MBD5: variants seen among roughly 807,000 people sequenced by gnomAD.
MBD5 encodes the protein methyl-CpG binding domain protein 5, also known as methyl-CpG-binding domain protein 5.
Under a neutral mutation model 117.3 loss-of-function variants are expected in MBD5, and 13 were observed. The observed-to-expected ratio is 0.11, with a 90% confidence interval of 0.07 to 0.18. The LOEUF is 0.18. MBD5 is among the 10% of genes least tolerant of loss of function. The pLI, the probability that MBD5 is intolerant of heterozygous loss-of-function variation, is 1.00. For synonymous variants in MBD5, 727 were observed against 766.4 expected (o/e 0.95, Z 0.85); for missense variants, 1,879 against 2,093.8 (o/e 0.90, Z 2.00).
chr2:148,088,549 C>T (rs942819211), intron 1 of MBD5, among the ~76,000 whole-genome samples: 1 of 152,128 alleles, frequency 6.6e-6, no homozygotes, highest in African/African-American at 2.4e-5. Context: ...GACTAGGGTC[C>T]TATTTTTAGC....
chr2:148,411,490 C>T (rs907793901), intron 4 of MBD5, among the ~76,000 whole-genome samples: 4 of 145,992 alleles, frequency 2.7e-5, no homozygotes, highest in African/African-American at 7.6e-5. Flanking sequence ...CACTTTTCTC[C>T]GGGAACTTAC....
At chr2:148,168,842 C>T (rs2105786658) in intron 1 of MBD5, among the ~76,000 whole-genome samples, 1 of 151,950 alleles carries the variant, frequency 6.6e-6, no homozygotes, top group East Asian at 1.9e-4. Flanking sequence ...GAGAAGATAG[C>T]ATAAACATAC....
chr2:148,154,601 C>T (rs1237762931), intron 1 of MBD5, among the ~76,000 whole-genome samples: 1 of 152,212 alleles, frequency 6.6e-6, no homozygotes, highest in Non-Finnish European at 1.5e-5. Context: ...GGGCTTAGGA[C>T]CCTCTGAGCC....
intron 4 of MBD5, among the ~76,000 whole-genome samples, chr2:148,451,938 A>G (rs550318215): frequency 3.3e-5 from 5 of 152,260 alleles, no homozygotes; most frequent in Admixed American, 3.3e-4. Flanking sequence ...TCAATAATTA[A>G]TTGGGTGTTG....
intron 2 of MBD5, among the ~76,000 whole-genome samples, chr2:148,223,887 G>A (rs1388631296): frequency 5.3e-5 from 8 of 151,744 alleles, no homozygotes; most frequent in East Asian, 1.9e-4. Context: ...TTAGTACTAC[G>A]TTTGCTATAT....
chr2:148,218,312 A>AT (rs994204631), intron 2 of MBD5, among the ~76,000 whole-genome samples: 37 of 151,578 alleles, frequency 2.4e-4, no homozygotes, highest in African/African-American at 3.9e-4. Context: ...TACCTGAGAC[A>AT]TTTTTTTTTC....
At chr2:148,085,515 G>A (rs955557800) in intron 1 of MBD5, among the ~76,000 whole-genome samples, 5 of 151,844 alleles carry the variant, frequency 3.3e-5, no homozygotes, top group African/African-American at 4.8e-5. Context: ...ACGAGGTCAG[G>A]AGATCGAGAC....
At chr2:148,044,515 T>A (rs1279475817) in intron 1 of MBD5, 1 of 152,122 alleles carries the variant, frequency 6.6e-6, no homozygotes, top group Non-Finnish European at 1.5e-5. Context: ...TTGTTGGGAG[T>A]CACGGGAGAC....
At chr2:148,310,903 A>T (rs755174594) in intron 3 of MBD5, among the ~76,000 whole-genome samples, 10 of 152,032 alleles carry the variant, frequency 6.6e-5, no homozygotes, top group Non-Finnish European at 1.3e-4. Context: ...TTCATTATTT[A>T]CCCAGTAGTC....
intron 1 of MBD5, among the ~76,000 whole-genome samples, chr2:148,061,785 G>A (rs1695043070): frequency 1.3e-5 from 2 of 151,904 alleles, no homozygotes; most frequent in African/African-American, 4.8e-5. Context: ...TAAGAAAAGT[G>A]AAGTTGATTT....
intron 2 of MBD5, among the ~76,000 whole-genome samples, chr2:148,205,113 G>C (rs1046727145): frequency 1.3e-5 from 2 of 150,986 alleles, no homozygotes; most frequent in African/African-American, 2.4e-5. Flanking sequence ...GTCTCTCTCT[G>C]TTGCCCTGGC....
intron 3 of MBD5, among the ~76,000 whole-genome samples, chr2:148,329,335 C>A (rs952421756): frequency 6.6e-6 from 1 of 152,114 alleles, no homozygotes; most frequent in Non-Finnish European, 1.5e-5. Flanking sequence ...TTTAAGAAAA[C>A]AAATGCTTTT....
intron 1 of MBD5, among the ~76,000 whole-genome samples, chr2:148,070,683 G>T (rs1695325370): frequency 6.6e-6 from 1 of 152,028 alleles, no homozygotes; most frequent in African/African-American, 2.4e-5. Flanking sequence ...CACATTTTAG[G>T]TTTTTAGAAT....
chr2:148,497,935 C>G (rs937225159), intron 11 of MBD5, among the ~76,000 whole-genome samples: 11 of 152,082 alleles, frequency 7.2e-5, no homozygotes, highest in Admixed American at 1.3e-4. Context: ...CTTTCAGTGA[C>G]CCACAAAGAT....
At chr2:148,085,934 T>G (rs116610859) in intron 1 of MBD5, among the ~76,000 whole-genome samples, 1,931 of 152,234 alleles carry the variant, frequency 0.013, 50 homozygotes, top group African/African-American at 0.044. Context: ...TATACGTAGT[T>G]CACACAGCAA....
Position 148,516,569 on chromosome 2 carries a change from A to C in MBD5, c.*3628A>C, listed in dbSNP as rs1682347530. ...TCTATCACATTTGCATTAGCCAAAG[A>C]GATAAGAACATTAGTAATTCATATG... On this transcript the variant is annotated 3_prime_UTR_variant, in exon 14 of 14. Coordinates refer to ENST00000642680, the MANE Select transcript of MBD5 (RefSeq NM_001378120.1). The C allele has an allele frequency of 6.6e-6, 1 of 152,228 alleles. No homozygotes were observed. The highest frequency in any genetic ancestry group is 6.5e-5 in the Admixed American group (1 of 15,280). 9.4% of individuals were successfully genotyped at this position (152,228 alleles called of 1,614,324 possible). A position where few individuals can be genotyped will look rare whatever the true frequency, so the allele number is the denominator to read the frequency against.
In MBD5 at chr2:148,468,319, C is replaced by A. The variant is rs192677180; in HGVS notation, c.398-22C>A. 1,310 of 1,603,714 alleles carry A rather than the reference C, an allele frequency of 8.2e-4. 11 individuals carry two copies. The African/African-American group carries it at 0.016, about 19-fold the overall frequency. ...AAGAGTTGAGACTGTTAACAGAATT[C>A]TTTTTTTCTCTTTCACATCAGATGC... On this transcript the variant is annotated intron_variant, in intron 7 of 13. Transcript: ENST00000642680.
rs571714274 is a variant in MBD5 at position 148,268,328 on chromosome 2, C to G, written c.-680+34933C>G. ...AATTCCTAATCTCACGCAATCCCCCCACCCAGGCCTCCCAAAGTGCTGGGA... is the reference window on the plus strand; with the variant it reads ...AATTCCTAATCTCACGCAATCCCCCGACCCAGGCCTCCCAAAGTGCTGGGA... On this transcript the variant is annotated intron_variant, in intron 3 of 13. Coordinates refer to ENST00000642680, the MANE Select transcript of MBD5 (RefSeq NM_001378120.1). Among the ~76,000 whole-genome samples the G allele has an allele frequency of 3.3e-5, 5 of 152,204 alleles. No individual in the cohort carries two copies. The South Asian group carries it at 6.2e-4, about 19-fold the overall frequency.
intron 1 of MBD5, among the ~76,000 whole-genome samples, chr2:148,097,066 T>C (rs1304733648): frequency 6.6e-6 from 1 of 152,154 alleles, no homozygotes; most frequent in African/African-American, 2.4e-5. Context: ...ACAGTATTTC[T>C]ATAAAAAGGA....
Sources: allele counts gnomAD v4.1 joint callset (sites outside exome capture counted in the v4.1 genomes callset), GRCh38; gene constraint gnomAD v4.1.1; transcripts MANE v1.5; gene names NCBI Gene and HGNC (gene_info 2026-07-23, HGNC 2026-07-21).